CAND1: variants seen among roughly 807,000 people sequenced by gnomAD.
The protein encoded by CAND1 is cullin-associated NEDD8-dissociated protein 1.
In CAND1, 7 loss-of-function variants were observed where a neutral mutation model predicts 108.5. That is an observed-to-expected ratio of 0.06 (90% confidence interval 0.04 to 0.12). The LOEUF is 0.12. CAND1 is among the 10% of genes least tolerant of loss of function. CAND1 has a pLI of 1.00. For missense variants in CAND1, 941 were observed against 1,448.7 expected, an observed-to-expected ratio of 0.65 and a Z score of 5.69; for synonymous variants, 534 against 512.0, an observed-to-expected ratio of 1.04 and a Z score of -0.58.
At chr12:67,307,530 C>T (rs367760859) in intron 11 of CAND1, 38 bp downstream of exon 11, 352 of 1,312,000 alleles carry the variant, frequency 2.7e-4, no homozygotes, top group Non-Finnish European at 3.7e-4. Flanking sequence ...GATTTTTGGA[C>T]TTTAGAATTC....
At chr12:67,307,354 A>C (rs977690338) in intron 10 of CAND1, 43 bp from the exon 11 acceptor site, 4 of 1,370,176 alleles carry the variant, frequency 2.9e-6, no homozygotes, top group Non-Finnish European at 4.2e-6. Flanking sequence ...CGTGAGTTTT[A>C]GTGGACTACA....
At chr12:67,293,925 G>T (rs1355720828) in intron 3 of CAND1, among the ~76,000 whole-genome samples, 1 of 152,114 alleles carries the variant, frequency 6.6e-6, no homozygotes, top group African/African-American at 2.4e-5. Flanking sequence ...TTGTAGATGG[G>T]AGAACTGAAA....
At chr12:67,298,431 T>C (rs1019486981) in intron 6 of CAND1, among the ~76,000 whole-genome samples, 1 of 152,198 alleles carries the variant, frequency 6.6e-6, no homozygotes. Flanking sequence ...TTTTGAGAAG[T>C]GGCTTTTAAT....
At position 67,312,783 on chromosome 12, in the gene CAND1, C is replaced by T. The variant is rs751195297; in HGVS notation, c.3646C>T (p.Gln1216Ter). 6.2e-7 allele frequency: 1 copy of T among 1,613,302 alleles called. No individual in the cohort carries two copies. The highest frequency in any genetic ancestry group is 8.5e-7 in the Non-Finnish European group (1 of 1,179,700). ...GCTGGCGGCTATCTTTGAAAGTATC[C>T]AGAAAGATTCATCATCTACTAACTT... ...PELAAIFESI[Q>*]KDSSSTNLES... The change falls in exon 15 of 15, where the codon CAG becomes TAG. Residue 1216 changes from glutamine to a stop codon, truncating the protein, a stop_gained. Transcript: ENST00000545606. LOFTEE classifies it high-confidence loss of function.
chr12:67,280,388 G>A (rs1465626872), intron 1 of CAND1, among the ~76,000 whole-genome samples: 3 of 152,150 alleles, frequency 2.0e-5, no homozygotes, highest in Non-Finnish European at 1.5e-5. Flanking sequence ...TTACCACACA[G>A]TTTATTTCCC....
rs771246650 is a variant in CAND1, at chr12:67,299,078, G to A, written c.983G>A (p.Gly328Asp). 9.8e-6 allele frequency: 15 copies of A among 1,537,556 alleles called. No individual in the cohort carries two copies. Among genetic ancestry groups the A allele is most frequent in the Non-Finnish European group, 1.2e-5 (14 of 1,123,542 alleles). Residue 328 changes from glycine to aspartate, a missense_variant, in exon 7 of 15, where the codon GGT becomes GAT. Physicochemically the swap from Gly to Asp is moderately conservative, Grantham distance 94. Around this residue, in one of 9 missense-constraint regions of CAND1, gnomAD observed 697 missense variants for 942.0 expected, o/e 0.74. Transcript: ENST00000545606. ...GAAAATGCAATGGATGCTGATGGTG[G>A]TGATGATGATGATCAAGGTATTGCA... ...EDENAMDADG[G>D]DDDDQGSDDE... is the part of the protein sequence containing the mutation.
intron 10 of CAND1, among the ~76,000 whole-genome samples, chr12:67,307,061 C>T (rs934226151): frequency 2.6e-5 from 4 of 152,068 alleles, no homozygotes; most frequent in Non-Finnish European, 5.9e-5. Context: ...CATTCTTAGA[C>T]ATTGCTTTCT....
rs2044881725 is a variant in CAND1 at position 67,306,143 on chromosome 12, C to G, written c.2475C>G (p.Val825=). 1 of 1,614,102 alleles carries G rather than the reference C, an allele frequency of 6.2e-7. No individual in the cohort carries two copies. Among genetic ancestry groups the G allele is most frequent in the South Asian group, 1.1e-5 (1 of 91,078 alleles). Reference sequence around the variant, plus strand: ...TAGTAGGTCAGTTTATTCAAGATGTCAAGAACTCAAGGTCTACAGATTCCA... The same window carrying G: ...TAGTAGGTCAGTTTATTCAAGATGTGAAGAACTCAAGGTCTACAGATTCCA... ...PAVVGQFIQD[V]KNSRSTDSIR... Residue 825 remains valine (V), a synonymous_variant, in exon 10 of 15, where the codon GTC becomes GTG. Coordinates refer to ENST00000545606, the MANE Select transcript of CAND1 (RefSeq NM_018448.5).
intron 6 of CAND1, among the ~76,000 whole-genome samples, chr12:67,298,523 C>T (rs958806134): frequency 2.0e-5 from 3 of 152,130 alleles, no homozygotes; most frequent in Non-Finnish European, 4.4e-5. Context: ...CTTTTATTTG[C>T]TGGCCCTGTG....
intron 2 of CAND1, among the ~76,000 whole-genome samples, chr12:67,282,416 T>C (rs574864104): frequency 1.3e-5 from 2 of 152,250 alleles, no homozygotes; most frequent in African/African-American, 4.8e-5. Flanking sequence ...ATGAAATGAC[T>C]AAGGAAAATT....
rs540162725 is a variant in CAND1, at chr12:67,317,231, G to C, written c.*4401G>C. On this transcript the variant is annotated 3_prime_UTR_variant, in exon 15 of 15. Transcript: ENST00000545606. Reference sequence around the variant, plus strand: ...GGTTTACTGCACCTCAGCTTCCTGGGCACAAGTGATTCTCCCACCTCAGCC... The same window carrying C: ...GGTTTACTGCACCTCAGCTTCCTGGCCACAAGTGATTCTCCCACCTCAGCC... 1 of 152,368 alleles carries C rather than the reference G, an allele frequency of 6.6e-6. No individual in the cohort carries two copies. Among genetic ancestry groups the C allele is most frequent in the South Asian group, 2.1e-4 (1 of 4,818 alleles). 9.4% of individuals were successfully genotyped at this position (152,368 alleles called of 1,614,324 possible). A position where few individuals can be genotyped will look rare whatever the true frequency, so the allele number is the denominator to read the frequency against.
rs765809886 is a variant in CAND1, at chr12:67,302,590, C to T, written c.1268C>T (p.Thr423Ile). 6.2e-7 allele frequency: 1 copy of T among 1,612,544 alleles called. No homozygotes were observed. Among genetic ancestry groups the T allele is most frequent in the South Asian group, 1.1e-5 (1 of 91,056 alleles). Residue 423 changes from threonine to isoleucine, a missense_variant, in exon 8 of 15, where the codon ACA (threonine) becomes ATA (isoleucine). Physicochemically the swap from Thr to Ile is moderately conservative, Grantham distance 89. Around this residue, in one of 9 missense-constraint regions of CAND1, gnomAD observed 697 missense variants for 942.0 expected, o/e 0.74. Transcript: ENST00000545606. ...CCTGATGCAATGGAGCAGGGAGAAA[C>T]ACCTTTAACAATGCTTCAGAGTCAG... is the stretch of plus-strand genomic sequence containing the variant. ...CDPDAMEQGE[T>I]PLTMLQSQVP...
chr12:67,304,822 G>A, intron 9 of CAND1, 76 bp downstream of exon 9: 1 of 1,527,276 alleles, frequency 6.5e-7, no homozygotes, highest in Non-Finnish European at 8.9e-7. Context: ...TTAAATAATT[G>A]TTTCCTTTTA....
intron 1 of CAND1, among the ~76,000 whole-genome samples, chr12:67,271,824 T>C (rs987265116): frequency 6.6e-6 from 1 of 152,222 alleles, no homozygotes; most frequent in African/African-American, 2.4e-5. Flanking sequence ...GATATTTTTA[T>C]CAACTGTCTT....
chr12:67,318,074 A>T lies in CAND1; in HGVS notation c.*5244A>T, dbSNP rs1415853551. On this transcript the variant is annotated 3_prime_UTR_variant, in exon 15 of 15. Transcript: ENST00000545606. ...GATTGCTTGAGGTCAAGAGTTCGAG[A>T]CCAGTCTGGCCAACATGGCGAAACC... 1 of 152,356 alleles carries T rather than the reference A, an allele frequency of 6.6e-6. No homozygotes were observed. The highest frequency in any genetic ancestry group is 1.5e-5 in the Non-Finnish European group (1 of 68,148). 9.4% of individuals were successfully genotyped at this position (152,356 alleles called of 1,614,324 possible).
In CAND1 at chr12:67,306,570, C is replaced by T. The variant is rs539153580; in HGVS notation, c.2902C>T (p.Pro968Ser). 1.2e-6 allele frequency: 2 copies of T among 1,613,156 alleles called. No individual in the cohort carries two copies. Among genetic ancestry groups the T allele is most frequent in the Non-Finnish European group, 1.7e-6 (2 of 1,179,504 alleles). ...LTLIDPETLLPRLKGYLISGS... is the reference protein window; with the variant it reads ...LTLIDPETLLSRLKGYLISGS... ...TCTAATTGATCCAGAAACTCTCCTT[C>T]CACGGCTTAAGGGGTACTTGATATC... Residue 968 changes from proline (P) to serine (S), a missense_variant, in exon 10 of 15, where the codon CCA becomes TCA. Around this residue, in one of 9 missense-constraint regions of CAND1, gnomAD observed 106 missense variants for 182.0 expected, o/e 0.58. Coordinates refer to ENST00000545606, the MANE Select transcript of CAND1 (RefSeq NM_018448.5).
chr12:67,305,515 T>C lies in CAND1; in HGVS notation c.1847T>C (p.Leu616Ser). 1 of 1,613,986 alleles carries C rather than the reference T, an allele frequency of 6.2e-7. No individual in the cohort carries two copies. The highest frequency in any genetic ancestry group is 8.5e-7 in the Non-Finnish European group (1 of 1,180,000). The change falls in exon 10 of 15, where the codon TTG becomes TCG. Residue 616 changes from leucine to serine, a missense_variant. Coordinates refer to ENST00000545606, the MANE Select transcript of CAND1 (RefSeq NM_018448.5). This position sits in a 1 kb window ranked among gnomAD's most constrained non-coding sequence, Gnocchi z 4.4. ...SDLPNTLQIF[L>S]ERLKNEITRL... ...TTGCCTAATACACTTCAGATTTTCT[T>C]GGAGAGACTAAAGAATGAAATTACC... is the stretch of plus-strand genomic sequence containing the variant.
In CAND1 at chr12:67,302,386, A is replaced by G; in HGVS notation, c.1064A>G (p.Lys355Arg). The change falls in exon 8 of 15, where the codon AAG becomes AGG. Residue 355 changes from lysine (K) to arginine (R), a missense_variant. By Grantham distance (26) the Lys-to-Arg change is conservative. Around this residue, in one of 9 missense-constraint regions of CAND1, gnomAD observed 697 missense variants for 942.0 expected, o/e 0.74. Coordinates refer to ENST00000545606, the MANE Select transcript of CAND1 (RefSeq NM_018448.5). ...MSWKVRRAAA[K>R]CLDAVVSTRH... ...TGGAAAGTGAGACGTGCAGCTGCGAAGTGCTTGGATGCTGTAGTTAGCACA... is the reference window on the plus strand; with the variant it reads ...TGGAAAGTGAGACGTGCAGCTGCGAGGTGCTTGGATGCTGTAGTTAGCACA... The G allele has an allele frequency of 6.2e-7, 1 of 1,614,144 alleles. No individual in the cohort carries two copies. Among genetic ancestry groups the G allele is most frequent in the Non-Finnish European group, 8.5e-7 (1 of 1,179,976 alleles).
intron 8 of CAND1, among the ~76,000 whole-genome samples, chr12:67,303,358 TA>T (rs2044844709): frequency 1.3e-5 from 2 of 152,214 alleles, no homozygotes; most frequent in African/African-American, 4.8e-5. Context: ...ATCTTGTTTT[TA>T]AGTAGTACAA....
Sources: gnomAD v4.1 joint callset for allele counts (sites outside exome capture counted in the v4.1 genomes callset) on GRCh38, gnomAD v4.1.1 for gene constraint, gnomAD v4.1.1 regional missense constraint, Gnocchi (gnomAD v3.1) non-coding constraint, MANE v1.5 for transcripts, NCBI Gene and HGNC (gene_info 2026-07-23, HGNC 2026-07-21) for gene names.